Variants in STIL observed in about 807,000 individuals in gnomAD.
STIL encodes STIL centriolar assembly protein.
STIL carries 55 observed loss-of-function variants against 110.1 expected under a neutral mutation model. That is an observed-to-expected ratio of 0.50 (90% confidence interval 0.40 to 0.63). The LOEUF is 0.63. STIL is among the 20% of genes least tolerant of loss of function. The pLI, the probability that STIL is intolerant of heterozygous loss-of-function variation, is 0.00. For synonymous variants in STIL, 481 were observed against 530.0 expected, an observed-to-expected ratio of 0.91 and a Z score of 1.27; for missense variants, 1,358 against 1,530.0, an observed-to-expected ratio of 0.89 and a Z score of 1.87.
intron 8 of STIL, 44 bp downstream of exon 8, chr1:47,293,414 G>A (rs746148252): frequency 6.7e-7 from 1 of 1,499,416 alleles, no homozygotes; most frequent in Non-Finnish European, 9.3e-7. Flanking sequence ...TATGAATGGG[G>A]GAAAGGATCG....
intron 13 of STIL, among the ~76,000 whole-genome samples, chr1:47,271,374 C>T (rs945729852): frequency 4.6e-5 from 7 of 151,508 alleles, no homozygotes; most frequent in African/African-American, 1.7e-4. Context: ...GAGTTGGAGA[C>T]CAGCCTGACC....
At position 47,300,154 on chromosome 1, in the gene STIL, T is replaced by G; in HGVS notation, c.454-2A>C. ...GCTACATATATGGCACTGTAGAGCCTGAGAAATCAATATTAAATAATTATT... is the reference window on the plus strand; with the variant it reads ...GCTACATATATGGCACTGTAGAGCCGGAGAAATCAATATTAAATAATTATT... On this transcript the variant is annotated splice_acceptor_variant, in intron 5 of 16. Transcript: ENST00000371877. LOFTEE classifies it high-confidence loss of function. 6.2e-7 allele frequency: 1 copy of G among 1,612,378 alleles called. No individual in the cohort carries two copies. Among genetic ancestry groups the G allele is most frequent in the Non-Finnish European group, 8.5e-7 (1 of 1,179,490 alleles).
intron 14 of STIL, among the ~76,000 whole-genome samples, chr1:47,266,873 G>A (rs1490350970): frequency 6.6e-6 from 1 of 152,096 alleles, no homozygotes; most frequent in Non-Finnish European, 1.5e-5. Flanking sequence ...TAGCTTTAAT[G>A]AGCATGCAAT....
rs140975915 is a variant in STIL at position 47,269,879 on chromosome 1, T to C, written c.2384-13A>G. ...AACAAGCTAGCACCTGGAGGTTAAA[T>C]AATTTAAGATACTGAAACAAACATT... On this transcript the variant is annotated splice_polypyrimidine_tract_variant and intron_variant, in intron 13 of 16. Coordinates refer to ENST00000371877, the MANE Select transcript of STIL (RefSeq NM_001048166.1). The C allele has an allele frequency of 2.5e-3, 3,947 of 1,597,570 alleles. 56 individuals carry two copies. In the East Asian group the frequency reaches 0.032, roughly 13 times the overall value.
intron 12 of STIL, among the ~76,000 whole-genome samples, chr1:47,278,747 C>G (rs1301023319): frequency 2.0e-5 from 3 of 151,778 alleles, no homozygotes; most frequent in Non-Finnish European, 4.4e-5. Flanking sequence ...AGAAAGATCA[C>G]TTGAGCTGAG....
At chr1:47,304,406 G>A (rs370240283) in intron 3 of STIL, among the ~76,000 whole-genome samples, 3 of 152,120 alleles carry the variant, frequency 2.0e-5, no homozygotes, top group South Asian at 4.1e-4. Flanking sequence ...GGCTCTCCCC[G>A]CCATAATCTA....
At chr1:47,268,235 T>C (rs971763451) in intron 14 of STIL, among the ~76,000 whole-genome samples, 1 of 151,768 alleles carries the variant, frequency 6.6e-6, no homozygotes, top group Non-Finnish European at 1.5e-5. Flanking sequence ...TCACCTCAGG[T>C]GAGGAGTTCC....
intron 6 of STIL, among the ~76,000 whole-genome samples, chr1:47,297,961 C>CA (rs916285129): frequency 1.2e-4 from 18 of 151,984 alleles, no homozygotes; most frequent in Non-Finnish European, 2.5e-4. Context: ...TTAATTTAAA[C>CA]AAAAAATCCC....
chr1:47,266,654 C>A (rs974058524), intron 14 of STIL, among the ~76,000 whole-genome samples: 10 of 152,190 alleles, frequency 6.6e-5, no homozygotes, highest in Non-Finnish European at 1.5e-4. Flanking sequence ...CTACATTTTT[C>A]TTTTACCTTC....
At chr1:47,286,123 CCTCAGCCTCCCAAAG>C (rs1645291944) in intron 10 of STIL, among the ~76,000 whole-genome samples, 1 of 151,970 alleles carries the variant, frequency 6.6e-6, no homozygotes, top group African/African-American at 2.4e-5. Context: ...GATCCGCCCG[CCTCAGCCTCCCAAAG>C]TGCTAGGATT....
intron 15 of STIL, among the ~76,000 whole-genome samples, chr1:47,261,240 T>C (rs1644475190): frequency 6.6e-6 from 1 of 151,006 alleles, no homozygotes; most frequent in South Asian, 2.1e-4. Flanking sequence ...ATACAAAAAT[T>C]AGCCGGGTGT....
intron 14 of STIL, among the ~76,000 whole-genome samples, chr1:47,263,747 T>TG (rs1343951323): frequency 8.1e-4 from 28 of 34,732 alleles, no homozygotes; most frequent in African/African-American, 2.1e-3. Flanking sequence ...ATTCCAAGTT[T>TG]TTTTTTTTTT....
At chr1:47,284,599 G>A (rs922509994) in intron 10 of STIL, among the ~76,000 whole-genome samples, 3 of 152,130 alleles carry the variant, frequency 2.0e-5, no homozygotes, top group Non-Finnish European at 4.4e-5. Flanking sequence ...AGACAGTAAA[G>A]ATGTTCCTGG....
intron 15 of STIL, among the ~76,000 whole-genome samples, chr1:47,262,310 A>C (rs1345182301): frequency 6.6e-6 from 1 of 152,194 alleles, no homozygotes; most frequent in Non-Finnish European, 1.5e-5. Context: ...GTCCCAGATC[A>C]CATTTTAAGT....
chr1:47,280,711 T>C lies in STIL; in HGVS notation c.1747A>G (p.Arg583Gly), dbSNP rs770194944. Residue 583 changes from arginine to glycine, a missense_variant, in exon 12 of 17, where the codon AGA (arginine) becomes GGA (glycine). Physicochemically the swap from Arg to Gly is moderately radical, Grantham distance 125. Coordinates refer to ENST00000371877, the MANE Select transcript of STIL (RefSeq NM_001048166.1). ...GTAGGTATCTGAAGTTCCATTGGTC[T>C]TCCTGAATTATGGGGTGAAAAAACA... ...DFVFSPHNSG[R>G]PMELQIPTPP... 1 of 1,614,200 alleles carries C rather than the reference T, an allele frequency of 6.2e-7. No individual in the cohort carries two copies. Among genetic ancestry groups the C allele is most frequent in the Non-Finnish European group, 8.5e-7 (1 of 1,180,026 alleles).
chr1:47,271,954 C>T, intron 13 of STIL, 122 bp downstream of exon 13: 2 of 986,142 alleles, frequency 2.0e-6, no homozygotes. Context: ...TTAAGTCATA[C>T]TCTCATCACC....
chr1:47,287,016 C>T (rs1331904649), intron 10 of STIL, among the ~76,000 whole-genome samples: 1 of 152,126 alleles, frequency 6.6e-6, no homozygotes, highest in Non-Finnish European at 1.5e-5. Flanking sequence ...AGCCATCACA[C>T]TCCAGCTAGT....
chr1:47,280,957 T>C lies in STIL; in HGVS notation c.1501A>G (p.Arg501Gly). 1 of 1,614,026 alleles carries C rather than the reference T, an allele frequency of 6.2e-7. No homozygotes were observed. Among genetic ancestry groups the C allele is most frequent in the East Asian group, 2.2e-5 (1 of 44,882 alleles). ...GGTGGCTGTCTTACTTTGCAGTGTC[T>C]CAAAAGAGCTGGTTTATCCTGGTTT... is the stretch of plus-strand genomic sequence containing the variant. The part of the protein sequence containing the change: ...QLNQDKPALL[R>G]HCKVRQPPAY... The change falls in exon 12 of 17, where the codon AGA (arginine) becomes GGA (glycine). Residue 501 changes from arginine (R) to glycine (G), a missense_variant. Coordinates refer to ENST00000371877, the MANE Select transcript of STIL (RefSeq NM_001048166.1).
At position 47,285,518 on chromosome 1, in the gene STIL, C is replaced by T. The variant is rs118062878; in HGVS notation, c.1133+2033G>A. Among the ~76,000 whole-genome samples the T allele has an allele frequency of 1.2e-4, 18 of 152,272 alleles. No homozygotes were observed. In the East Asian group the frequency reaches 3.1e-3, roughly 26 times the overall value. On this transcript the variant is annotated intron_variant, in intron 10 of 16. Transcript: ENST00000371877. ...TATCACCCAGGATGGAGTGTAGTGG[C>T]ATGATCTCGGCTCACTACAACCTGT... is the stretch of plus-strand genomic sequence containing the variant.
Sources: gnomAD v4.1 joint callset for allele counts (sites outside exome capture counted in the v4.1 genomes callset) on GRCh38, gnomAD v4.1.1 for gene constraint, MANE v1.5 for transcripts, NCBI Gene and HGNC (gene_info 2026-07-23, HGNC 2026-07-21) for gene names.